The following PTPRN2 variants were observed in gnomAD, a reference collection of about 807,000 sequenced individuals.
PTPRN2 encodes protein tyrosine phosphatase receptor type N2, also known as receptor-type tyrosine-protein phosphatase N2.
Under a neutral mutation model 118.8 loss-of-function variants are expected in PTPRN2, and 74 were observed. That is an observed-to-expected ratio of 0.62 (90% CI 0.52 to 0.76). PTPRN2 has a LOEUF of 0.76. Among genes scored for constraint, PTPRN2 ranks in the 30% least tolerant of loss-of-function variants. The pLI is 0.00. For missense variants in PTPRN2, 1,481 were observed against 1,394.4 expected (o/e 1.06, Z -0.99); for synonymous variants, 641 against 608.0 (o/e 1.05, Z -0.80).
intron 1 of PTPRN2, among the ~76,000 whole-genome samples, chr7:158,569,740 G>T (rs1209616579): frequency 2.1e-5 from 3 of 142,212 alleles, no homozygotes; most frequent in Non-Finnish European, 3.1e-5. Context: ...TGACAGGAAC[G>T]CGGGGCGCGA....
intron 10 of PTPRN2, among the ~76,000 whole-genome samples, chr7:158,107,277 C>T (rs1026110097): frequency 2.0e-5 from 3 of 152,116 alleles, no homozygotes; most frequent in African/African-American, 7.2e-5. Context: ...TAGAAGTCAT[C>T]CAGGTACCTG....
Position 158,479,052 on chromosome 7 carries a change from C to T in PTPRN2, c.163+10683G>A, listed in dbSNP as rs534295836. Among the ~76,000 whole-genome samples the T allele has an allele frequency of 9.2e-5, 14 of 152,166 alleles. No individual in the cohort carries two copies. In the East Asian group the frequency reaches 1.9e-3, roughly 21 times the overall value. On this transcript the variant is annotated intron_variant, in intron 2 of 22. Coordinates refer to ENST00000389418, the MANE Select transcript of PTPRN2 (RefSeq NM_002847.5). ...TGGACATGCCACAGGACAGGACCCA[C>T]GAGTGAGTGTTTCGGGGGCAGAAGA... is the stretch of plus-strand genomic sequence containing the variant.
chr7:158,051,640 T>A (rs1177704298), intron 11 of PTPRN2, among the ~76,000 whole-genome samples: 1 of 152,234 alleles, frequency 6.6e-6, no homozygotes, highest in African/African-American at 2.4e-5. Context: ...CACCTTCATC[T>A]TTTCCCCTTT....
At chr7:158,436,067 T>C (rs1466487763) in intron 2 of PTPRN2, among the ~76,000 whole-genome samples, 1 of 152,218 alleles carries the variant, frequency 6.6e-6, no homozygotes, top group African/African-American at 2.4e-5. Context: ...GGATCTCATG[T>C]TATATGTTCT....
At chr7:158,156,921 C>G (rs1249610137) in intron 6 of PTPRN2, among the ~76,000 whole-genome samples, 2 of 152,128 alleles carry the variant, frequency 1.3e-5, no homozygotes, top group Non-Finnish European at 2.9e-5. Flanking sequence ...GGAAGGCCTC[C>G]CCATTGTGCT....
intron 14 of PTPRN2, among the ~76,000 whole-genome samples, chr7:157,651,128 C>T (rs565497749): frequency 9.2e-5 from 14 of 152,348 alleles, no homozygotes; most frequent in African/African-American, 3.4e-4. Flanking sequence ...CGGCGCGACT[C>T]CACAGGCTGG....
Position 157,749,928 on chromosome 7 carries a change from G to A in PTPRN2, c.1789-66991C>T, listed in dbSNP as rs561553909. 3.5e-3 allele frequency among the ~76,000 whole-genome samples: 489 copies of A among 138,224 alleles called. 19 individuals are homozygous for A. The highest frequency in any genetic ancestry group is 0.02 in the South Asian group (80 of 3,950). The allele number at this position is 138,224 out of a possible 152,430, so 90.7% of individuals were successfully genotyped here. A position where few individuals can be genotyped will look rare whatever the true frequency, so the allele number is the denominator to read the frequency against. On this transcript the variant is annotated intron_variant, in intron 12 of 22. Coordinates refer to ENST00000389418, the MANE Select transcript of PTPRN2 (RefSeq NM_002847.5). ...CTGAGGCCTGCATCTCTGAGCTGTGGGGTGTCCGGGTGATTCTGAGGCCTG... is the reference window on the plus strand; with the variant it reads ...CTGAGGCCTGCATCTCTGAGCTGTGAGGTGTCCGGGTGATTCTGAGGCCTG...
chr7:157,974,441 T>A lies in PTPRN2; in HGVS notation c.1724-75704A>T, dbSNP rs1256430995. On this transcript the variant is annotated intron_variant, in intron 11 of 22. Coordinates refer to ENST00000389418, the MANE Select transcript of PTPRN2 (RefSeq NM_002847.5). This position sits in a 1 kb window ranked among gnomAD's most constrained non-coding sequence, Gnocchi z 4.0. ...TGGGGCTGCCCTACTGTGGAGTTAGTGGGTCCACTTCGAGAAGACAGAGAC... is the reference window on the plus strand; with the variant it reads ...TGGGGCTGCCCTACTGTGGAGTTAGAGGGTCCACTTCGAGAAGACAGAGAC... Among the ~76,000 whole-genome samples the A allele has an allele frequency of 6.6e-6, 1 of 152,176 alleles. No individual in the cohort carries two copies. The highest frequency in any genetic ancestry group is 2.4e-5 in the African/African-American group (1 of 41,446).
intron 1 of PTPRN2, among the ~76,000 whole-genome samples, chr7:158,584,793 C>G (rs561251832): frequency 1.3e-5 from 2 of 152,262 alleles, no homozygotes; most frequent in South Asian, 2.1e-4. Flanking sequence ...AGTTATCGAC[C>G]CTGGGTTTCA....
chr7:158,383,592 C>A (rs1047497704), intron 2 of PTPRN2, among the ~76,000 whole-genome samples: 1 of 149,282 alleles, frequency 6.7e-6, no homozygotes, highest in African/African-American at 2.6e-5. Flanking sequence ...AATTATCCAG[C>A]TTTACTGTCA....
intron 11 of PTPRN2, among the ~76,000 whole-genome samples, chr7:157,991,467 C>T (rs751712455): frequency 6.6e-6 from 1 of 152,252 alleles, no homozygotes; most frequent in Non-Finnish European, 1.5e-5. Context: ...CTCTACACGT[C>T]CTCTTCACTG....
At chr7:158,381,850 AAG>A (rs1431884969) in intron 2 of PTPRN2, among the ~76,000 whole-genome samples, 8 of 152,200 alleles carry the variant, frequency 5.3e-5, no homozygotes, top group South Asian at 2.1e-4. Context: ...GGCAGCAGGT[AAG>A]AGAGAGTTTG....
At chr7:157,586,898 T>C (rs1800706810) in intron 17 of PTPRN2, among the ~76,000 whole-genome samples, 1 of 152,186 alleles carries the variant, frequency 6.6e-6, no homozygotes, top group African/African-American at 2.4e-5. Context: ...ATTTAAATGT[T>C]TTTAAAAATT....
chr7:157,880,459 C>T (rs557713174), intron 12 of PTPRN2, among the ~76,000 whole-genome samples: 191 of 152,304 alleles, frequency 1.3e-3, no homozygotes, highest in African/African-American at 1.6e-3. Context: ...GAGGGGGCAC[C>T]GGCAGCTCCT....
rs112031516 is a variant in PTPRN2 at position 158,277,257 on chromosome 7, G to A, written c.277+39562C>T. On this transcript the variant is annotated intron_variant, in intron 3 of 22. Transcript: ENST00000389418. ...GAGATGACGGCAGCCTGTGCGAATC[G>A]GCCTCCAGCCTCCTCGGGGTCCTGC... Among the ~76,000 whole-genome samples the A allele has an allele frequency of 4.2e-3, 641 of 152,292 alleles. 5 individuals are homozygous for A. The highest frequency in any genetic ancestry group is 0.014 in the African/African-American group (593 of 41,556).
intron 4 of PTPRN2, among the ~76,000 whole-genome samples, chr7:158,202,468 G>A (rs1271000129): frequency 6.6e-6 from 1 of 152,148 alleles, no homozygotes; most frequent in African/African-American, 2.4e-5. Flanking sequence ...CTGGGCCTGG[G>A]GAAGAGCTGG....
chr7:157,896,863 T>C (rs1460048687), intron 12 of PTPRN2, among the ~76,000 whole-genome samples: 3 of 152,118 alleles, frequency 2.0e-5, no homozygotes, highest in African/African-American at 7.2e-5. Context: ...ATGAGGAAGG[T>C]GTGTCTGGAC....
chr7:157,594,439 CA>C, intron 17 of PTPRN2, among the ~76,000 whole-genome samples: 1 of 152,288 alleles, frequency 6.6e-6, no homozygotes, highest in Admixed American at 6.5e-5. Flanking sequence ...CAGGAGGCTG[CA>C]GCCTGATCCC....
intron 12 of PTPRN2, among the ~76,000 whole-genome samples, chr7:157,850,934 C>A (rs1366532977): frequency 6.6e-6 from 1 of 152,210 alleles, no homozygotes; most frequent in Admixed American, 6.5e-5. Context: ...CAGATCTTCC[C>A]TATTCTTGGT....
Sources: gnomAD v4.1 joint callset for allele counts (sites outside exome capture counted in the v4.1 genomes callset) on GRCh38, gnomAD v4.1.1 for gene constraint, Gnocchi (gnomAD v3.1) non-coding constraint, MANE v1.5 for transcripts, NCBI Gene and HGNC (gene_info 2026-07-23, HGNC 2026-07-21) for gene names.